The following NMBR variants were observed in gnomAD, a reference collection of about 807,000 sequenced individuals.
NMBR encodes neuromedin B receptor, also known as neuromedin-B receptor.
NMBR carries 16 observed loss-of-function variants against 20.5 expected under a neutral mutation model. That is an observed-to-expected ratio of 0.78 (90% confidence interval 0.53 to 1.19). The LOEUF (loss-of-function observed/expected upper bound fraction) is 1.19. NMBR is among the 50% of genes most tolerant of loss of function. The pLI is 0.00. For missense variants in NMBR, 582 were observed against 499.1 expected (o/e 1.17, Z -1.58); for synonymous variants, 212 against 196.6 (o/e 1.08, Z -0.65).
intron 1 of NMBR, among the ~76,000 whole-genome samples, chr6:142,111,076 C>T (rs1416587109): frequency 6.6e-6 from 1 of 152,038 alleles, no homozygotes; most frequent in Non-Finnish European, 1.5e-5. Flanking sequence ...CCTGTCTCTA[C>T]TGAAAATACA....
rs2114549366 is a variant in NMBR, at chr6:142,075,538, A to G, written c.*110T>C. 1 of 1,025,658 alleles carries G rather than the reference A, an allele frequency of 9.7e-7. No individual in the cohort carries two copies. Among genetic ancestry groups the G allele is most frequent in the Non-Finnish European group, 1.4e-6 (1 of 705,974 alleles). The allele number at this position is 1,025,658 out of a possible 1,614,324, so 63.5% of individuals were successfully genotyped here. A position where few individuals can be genotyped will look rare whatever the true frequency, so the allele number is the denominator to read the frequency against. On this transcript the variant is annotated 3_prime_UTR_variant, in exon 4 of 4. Transcript: ENST00000258042. ...AAAATGTCTTGCATTTTCTGAGTCA[A>G]TCATGCAATTGCCTAATAAATTAGC...
At chr6:142,118,861 T>TA (rs1777896890) in intron 1 of NMBR, among the ~76,000 whole-genome samples, 2 of 152,020 alleles carry the variant, frequency 1.3e-5, no homozygotes, top group African/African-American at 4.8e-5. Context: ...GTGTGTGTCT[T>TA]ACATTCATGC....
intron 1 of NMBR, among the ~76,000 whole-genome samples, chr6:142,142,676 T>A (rs1057337183): frequency 6.6e-6 from 1 of 151,864 alleles, no homozygotes; most frequent in African/African-American, 2.4e-5. Flanking sequence ...TATATATAAA[T>A]ATATATTTAT....
At chr6:142,080,384 C>T (rs1352484500) in intron 2 of NMBR, among the ~76,000 whole-genome samples, 2 of 145,266 alleles carry the variant, frequency 1.4e-5, no homozygotes, top group African/African-American at 5.1e-5. Flanking sequence ...GATCACAGCT[C>T]ACTGCAATCT....
intron 1 of NMBR, among the ~76,000 whole-genome samples, chr6:142,138,173 A>G (rs1363023120): frequency 6.6e-6 from 1 of 152,168 alleles, no homozygotes; most frequent in Non-Finnish European, 1.5e-5. Flanking sequence ...TTCATTTGAT[A>G]TTATTTAAAA....
intron 1 of NMBR, among the ~76,000 whole-genome samples, chr6:142,097,010 T>C (rs569918828): frequency 6.6e-6 from 1 of 152,192 alleles, no homozygotes; most frequent in Admixed American, 6.5e-5. Context: ...CCTTTTTTTG[T>C]TTTCCATTTG....
intron 2 of NMBR, 36 bp downstream of exon 2, chr6:142,088,201 C>A (rs1777235482): frequency 6.3e-7 from 1 of 1,591,468 alleles, no homozygotes; most frequent in Non-Finnish European, 8.5e-7. Flanking sequence ...CTCTCCACGA[C>A]TTTTCCAAGC....
intron 1 of NMBR, among the ~76,000 whole-genome samples, chr6:142,092,891 C>G (rs960832590): frequency 6.6e-6 from 1 of 152,130 alleles, no homozygotes; most frequent in African/African-American, 2.4e-5. Context: ...TTAACCAATT[C>G]TCAGGAAAAC....
At chr6:142,096,741 C>A (rs1582845197) in intron 1 of NMBR, among the ~76,000 whole-genome samples, 1 of 152,002 alleles carries the variant, frequency 6.6e-6, no homozygotes, top group African/African-American at 2.4e-5. Context: ...GACTTTCTGT[C>A]TCGTTGATCT....
chr6:142,097,253 G>A (rs1162138707), intron 1 of NMBR, among the ~76,000 whole-genome samples: 1 of 152,130 alleles, frequency 6.6e-6, no homozygotes, highest in Non-Finnish European at 1.5e-5. Context: ...AGTTGATGCA[G>A]TTTCTTCCTA....
chr6:142,134,402 C>T, intron 1 of NMBR: 1 of 451,732 alleles, frequency 2.2e-6, no homozygotes. Flanking sequence ...TATTAAGACA[C>T]ATATAAGATT....
At chr6:142,105,932 A>G (rs1310912408) in intron 1 of NMBR, among the ~76,000 whole-genome samples, 2 of 152,234 alleles carry the variant, frequency 1.3e-5, no homozygotes, top group Non-Finnish European at 1.5e-5. Context: ...ATGTTTAATA[A>G]TTTATATTTC....
intron 3 of NMBR, among the ~76,000 whole-genome samples, chr6:142,078,114 C>T (rs7742164): frequency 0.5 from 76,057 of 151,956 alleles, 19,543 homozygotes; most frequent in East Asian, 0.74. Context: ...AAATCCCATC[C>T]CAAGATCCCA....
intron 1 of NMBR, among the ~76,000 whole-genome samples, chr6:142,116,466 A>C (rs1434518716): frequency 6.6e-6 from 1 of 151,968 alleles, no homozygotes; most frequent in Non-Finnish European, 1.5e-5. Context: ...AGGATAAATT[A>C]CTAGGACCAT....
At chr6:142,133,062 C>T (rs1454828684) in intron 1 of NMBR, 3 of 563,786 alleles carry the variant, frequency 5.3e-6, no homozygotes, top group African/African-American at 3.7e-5. Flanking sequence ...CTGTAAGAGT[C>T]CTGAGAGAAT....
intron 1 of NMBR, among the ~76,000 whole-genome samples, chr6:142,140,153 TAAAC>T (rs1047700788): frequency 3.9e-4 from 59 of 152,034 alleles, no homozygotes; most frequent in African/African-American, 1.1e-3. Flanking sequence ...TAAACAAAGA[TAAAC>T]AAAAATAATT....
intron 1 of NMBR, among the ~76,000 whole-genome samples, chr6:142,094,768 T>A (rs988703899): frequency 6.6e-6 from 1 of 152,202 alleles, no homozygotes; most frequent in South Asian, 2.1e-4. Flanking sequence ...ACGATATTGA[T>A]TCTTCCTACC....
At position 142,114,132 on chromosome 6, in the gene NMBR, T is replaced by C. The variant is rs550863167; in HGVS notation, c.-663-24811A>G. Among the ~76,000 whole-genome samples, 38 of 152,204 alleles carry C rather than the reference T, an allele frequency of 2.5e-4. No individual in the cohort carries two copies. The East Asian group carries it at 6.8e-3, about 27-fold the overall frequency. On this transcript the variant is annotated intron_variant, in intron 1 of 3. Transcript: ENST00000258042. The stretch of plus-strand genomic sequence containing the variant: ...TTCTGGAGAGGTTAAAAGACTGATA[T>C]GAATTTGGCCCACTGCATATAACCT...
At chr6:142,078,180 C>G (rs951413148) in intron 3 of NMBR, among the ~76,000 whole-genome samples, 1 of 152,106 alleles carries the variant, frequency 6.6e-6, no homozygotes, top group African/African-American at 2.4e-5. Context: ...CCCTGCCATC[C>G]TTAGTGGGTT....
Sources: allele counts gnomAD v4.1 joint callset (sites outside exome capture counted in the v4.1 genomes callset), GRCh38; gene constraint gnomAD v4.1.1; transcripts MANE v1.5; gene names NCBI Gene and HGNC (gene_info 2026-07-23, HGNC 2026-07-21).